Variants in CSMD2 observed in about 807,000 individuals in gnomAD.
CSMD2 encodes CUB and sushi domain-containing protein 2.
CSMD2 carries 130 observed loss-of-function variants against 398.5 expected under a neutral mutation model. That is an observed-to-expected ratio of 0.33 (90% confidence interval 0.28 to 0.38). CSMD2 has a LOEUF of 0.38. CSMD2 is among the 10% of genes least tolerant of loss of function. The pLI is 1.00. For synonymous variants in CSMD2, 1,828 were observed against 1,908.5 expected (o/e 0.96, Z 1.10); for missense variants, 3,829 against 4,764.9 (o/e 0.80, Z 5.78).
At position 33,739,242 on chromosome 1, in the gene CSMD2, G is replaced by C; in HGVS notation, c.2266C>G (p.Leu756Val). 6.2e-7 allele frequency: 1 copy of C among 1,614,070 alleles called. No homozygotes were observed. Among genetic ancestry groups the C allele is most frequent in the Non-Finnish European group, 8.5e-7 (1 of 1,179,916 alleles). Reference sequence around the variant, plus strand: ...GTCCCAAGGAAGCCTTCATCACAGAGGAAGGAGATGGAGCTGCCCAGCTGG... The same window carrying C: ...GTCCCAAGGAAGCCTTCATCACAGACGAAGGAGATGGAGCTGCCCAGCTGG... The part of the protein sequence containing the change: ...SLQLGSSISF[L>V]CDEGFLGTQG... The change falls in exon 15 of 71, where the codon CTC (leucine) becomes GTC (valine). Residue 756 changes from leucine to valine, a missense_variant. Physicochemically the swap from Leu to Val is conservative, Grantham distance 32 (BLOSUM62 1). Coordinates refer to ENST00000373381, the MANE Select transcript of CSMD2 (RefSeq NM_001281956.2).
At position 33,662,913 on chromosome 1, in the gene CSMD2, T is replaced by G; in HGVS notation, c.4232A>C (p.Gln1411Pro). ...QFSTDFFTSK[Q>P]GFAIQFSVST... ...ACCTGAAAATTGAATGGCAAAGCCC[T>G]GCTTGCTGGTGAAGAAGTCAGTGCT... is the stretch of plus-strand genomic sequence containing the variant. The change falls in exon 26 of 71, where the codon CAG (glutamine) becomes CCG (proline). Residue 1411 changes from glutamine to proline, a missense_variant. By Grantham distance (76) the Gln-to-Pro change is moderately conservative. This residue lies in a region of CSMD2 where 2,001 missense variants were observed against 2,567.1 expected (regional missense o/e 0.78). Transcript: ENST00000373381. 6.2e-7 allele frequency: 1 copy of G among 1,614,186 alleles called. No individual in the cohort carries two copies. Among genetic ancestry groups the G allele is most frequent in the African/African-American group, 1.3e-5 (1 of 75,056 alleles).
chr1:33,974,872 G>A (rs1438763201), intron 3 of CSMD2, among the ~76,000 whole-genome samples: 1 of 152,154 alleles, frequency 6.6e-6, no homozygotes, highest in Admixed American at 6.5e-5. Flanking sequence ...CCTTCTACAA[G>A]AGCAAACTCA....
intron 5 of CSMD2, among the ~76,000 whole-genome samples, chr1:33,890,571 T>C (rs1162183389): frequency 6.6e-6 from 1 of 152,068 alleles, no homozygotes; most frequent in Non-Finnish European, 1.5e-5. Flanking sequence ...GCTCTTTTTT[T>C]CAGCCCGCAT....
At chr1:34,069,398 C>T (rs1655471748) in intron 2 of CSMD2, among the ~76,000 whole-genome samples, 1 of 152,088 alleles carries the variant, frequency 6.6e-6, no homozygotes, top group Non-Finnish European at 1.5e-5. Flanking sequence ...AGACAGAAAT[C>T]CAGTAAGAAC....
chr1:33,835,827 C>T (rs1184256023), intron 6 of CSMD2, among the ~76,000 whole-genome samples: 4 of 151,756 alleles, frequency 2.6e-5, no homozygotes, highest in African/African-American at 7.3e-5. Context: ...TTTAGCTCAT[C>T]ATAGTTTAAT....
chr1:33,627,210 G>A (rs142977238), intron 32 of CSMD2, among the ~76,000 whole-genome samples: 37 of 152,258 alleles, frequency 2.4e-4, no homozygotes, highest in African/African-American at 7.7e-4. Flanking sequence ...TACTATTGCC[G>A]GCCAATAACA....
At chr1:33,803,627 A>G (rs1306314776) in intron 10 of CSMD2, among the ~76,000 whole-genome samples, 2 of 152,134 alleles carry the variant, frequency 1.3e-5, no homozygotes, top group Non-Finnish European at 2.9e-5. Context: ...CAGCTCCCAC[A>G]TCCAATCAGC....
intron 4 of CSMD2, among the ~76,000 whole-genome samples, chr1:33,927,579 A>G (rs1644170021): frequency 6.6e-6 from 1 of 152,170 alleles, no homozygotes; most frequent in Non-Finnish European, 1.5e-5. Context: ...GTGGTCACAT[A>G]GCTACTAAAT....
rs566649212 is a variant in CSMD2, at chr1:33,622,199, A to T, written c.5795T>A (p.Val1932Glu). 6.2e-7 allele frequency: 1 copy of T among 1,614,122 alleles called. No individual in the cohort carries two copies. The highest frequency in any genetic ancestry group is 1.3e-5 in the African/African-American group (1 of 75,050). Reference protein sequence around the residue: ...LYLHFYSDISVSAAGFHLEYK... With the variant: ...LYLHFYSDISESAAGFHLEYK... ...CTCCAAGTGGAAGCCAGCTGCAGAT[A>T]CGCTGATATCTGAGTAGAAATGAAG... is the stretch of plus-strand genomic sequence containing the variant. The change falls in exon 37 of 71, where the codon GTA becomes GAA. Residue 1932 changes from valine (V) to glutamate (E), a missense_variant. Transcript: ENST00000373381.
rs116087140 is a variant in CSMD2 at position 33,550,108 on chromosome 1, G to A, written c.8917+69C>T. 9.7e-4 allele frequency: 1,456 copies of A among 1,505,644 alleles called. 13 individuals carry two copies. The African/African-American group carries it at 0.018, about 18-fold the overall frequency. The allele number at this position is 1,505,644 out of a possible 1,614,324, so 93.3% of individuals were successfully genotyped here. A position where few individuals can be genotyped will look rare whatever the true frequency, so the allele number is the denominator to read the frequency against. On this transcript the variant is annotated intron_variant, in intron 56 of 70. Coordinates refer to ENST00000373381, the MANE Select transcript of CSMD2 (RefSeq NM_001281956.2). ...CATCCATCAATCACACTCACACCTT[G>A]GGGGCTCGTCTACCTCCCATCAGTC...
At chr1:33,857,520 T>A (rs1341730593) in intron 5 of CSMD2, among the ~76,000 whole-genome samples, 1 of 152,134 alleles carries the variant, frequency 6.6e-6, no homozygotes, top group African/African-American at 2.4e-5. Context: ...ATCTCTGTTG[T>A]GCTCTGCCTG....
intron 25 of CSMD2, among the ~76,000 whole-genome samples, chr1:33,677,459 C>G (rs1644756115): frequency 6.6e-6 from 1 of 152,148 alleles, no homozygotes; most frequent in Non-Finnish European, 1.5e-5. Flanking sequence ...CAGGAAACAA[C>G]AGGTGCTGGA....
chr1:33,719,743 G>C (rs1289994264), intron 19 of CSMD2, among the ~76,000 whole-genome samples: 1 of 152,142 alleles, frequency 6.6e-6, no homozygotes, highest in Non-Finnish European at 1.5e-5. Context: ...CAGGTTCCAG[G>C]TTCTTCAACT....
At chr1:33,981,962 G>A (rs953948480) in intron 3 of CSMD2, among the ~76,000 whole-genome samples, 1 of 152,176 alleles carries the variant, frequency 6.6e-6, no homozygotes, top group African/African-American at 2.4e-5. Flanking sequence ...AAGTCACACT[G>A]GGTGCCCTGA....
At chr1:33,653,036 C>T (rs1311111230) in intron 27 of CSMD2, among the ~76,000 whole-genome samples, 1 of 152,180 alleles carries the variant, frequency 6.6e-6, no homozygotes, top group African/African-American at 2.4e-5. Flanking sequence ...GGATTTCAGG[C>T]GTGAGCCACC....
chr1:33,967,881 G>C (rs1177638729), intron 3 of CSMD2, among the ~76,000 whole-genome samples: 1 of 152,154 alleles, frequency 6.6e-6, no homozygotes, highest in African/African-American at 2.4e-5. Flanking sequence ...CCATCCTCTA[G>C]GGTAACAGAG....
intron 55 of CSMD2, among the ~76,000 whole-genome samples, chr1:33,556,929 A>G (rs1256435351): frequency 2.0e-5 from 3 of 152,148 alleles, no homozygotes; most frequent in Admixed American, 6.5e-5. Context: ...CAGCCCTGTG[A>G]AACTGTGAGT....
intron 3 of CSMD2, among the ~76,000 whole-genome samples, chr1:34,014,757 A>C (rs1209573863): frequency 2.6e-5 from 4 of 152,246 alleles, no homozygotes; most frequent in African/African-American, 9.6e-5. Context: ...AAGGCATATG[A>C]ATGGATGGAT....
intron 1 of CSMD2, among the ~76,000 whole-genome samples, chr1:34,099,253 C>CTTCA (rs1341298300): frequency 6.6e-6 from 1 of 152,172 alleles, no homozygotes; most frequent in Non-Finnish European, 1.5e-5. Flanking sequence ...TAATTCCTTC[C>CTTCA]TTCATTCATT....
Sources: allele counts gnomAD v4.1 joint callset (sites outside exome capture counted in the v4.1 genomes callset), GRCh38; gene constraint gnomAD v4.1.1; regional missense constraint gnomAD v4.1.1; transcripts MANE v1.5; gene names NCBI Gene and HGNC (gene_info 2026-07-23, HGNC 2026-07-21).